The following SHF variants were observed in gnomAD, a reference collection of about 807,000 sequenced individuals.
SHF encodes the protein SH2 domain-containing adapter protein F.
In SHF, 30 loss-of-function variants were observed where a neutral mutation model predicts 42.4. The observed-to-expected ratio is 0.71, with a 90% CI of 0.53 to 0.96. The LOEUF is 0.96. Among genes scored for constraint, SHF ranks in the 40% least tolerant of loss-of-function variants. The probability of loss-of-function intolerance (pLI) is 0.00; values close to 1 mark genes in which losing one functional copy is unlikely to be tolerated. For synonymous variants in SHF, 264 were observed against 269.9 expected (o/e 0.98, Z 0.21); for missense variants, 598 against 634.0 (o/e 0.94, Z 0.61).
intron 1 of SHF, among the ~76,000 whole-genome samples, chr15:45,185,098 A>G (rs925464413): frequency 2.0e-5 from 3 of 152,106 alleles, no homozygotes; most frequent in Non-Finnish European, 4.4e-5. Flanking sequence ...CATTTCATCA[A>G]ATCTCATGAC....
chr15:45,188,834 A>G (rs1898609443), upstream of SHF, among the ~76,000 whole-genome samples: 1 of 152,246 alleles, frequency 6.6e-6, no homozygotes, highest in Non-Finnish European at 1.5e-5. Flanking sequence ...AGTGTTGTCT[A>G]TCACAAACTC....
chr15:45,192,390 C>T (rs1567041930), upstream of SHF, among the ~76,000 whole-genome samples: 1 of 93,870 alleles, frequency 1.1e-5, no homozygotes, highest in Non-Finnish European at 1.8e-5. Context: ...TTTTTTGAGA[C>T]AGAGTCTCGC....
intron 6 of SHF, chr15:45,171,233 G>C (rs1025193325): frequency 6.5e-6 from 1 of 153,834 alleles, no homozygotes; most frequent in Non-Finnish European, 1.4e-5. Flanking sequence ...GGGAGTCTGG[G>C]AGGCTGATCT....
intron 2 of SHF, among the ~76,000 whole-genome samples, chr15:45,197,249 TAA>T (rs144408027): frequency 0.023 from 2,796 of 122,516 alleles, 49 homozygotes; most frequent in Admixed American, 0.04. Flanking sequence ...ACCTTGTCTC[TAA>T]AAAAAAAAAA....
upstream of SHF, among the ~76,000 whole-genome samples, chr15:45,189,388 CCTTTTT>C (rs1279042155): frequency 9.2e-6 from 1 of 108,446 alleles, no homozygotes; most frequent in African/African-American, 3.4e-5. Context: ...TTCATGTCTG[CCTTTTT>C]TTTTTTTTTT....
chr15:45,182,322 CT>C (rs1279762384), intron 1 of SHF, among the ~76,000 whole-genome samples: 1 of 152,216 alleles, frequency 6.6e-6, no homozygotes. Flanking sequence ...CTGGAAACCT[CT>C]TTTTATGTGT....
chr15:45,175,808 CTTTTTCTTTTCTT>C (rs1311889565), intron 2 of SHF, among the ~76,000 whole-genome samples: 1 of 134,498 alleles, frequency 7.4e-6, no homozygotes, highest in Non-Finnish European at 1.6e-5. Context: ...TTCCTTTTTT[CTTTTTCTTTTCTT>C]TTTTTTTTTT....
chr15:45,184,916 A>T (rs1160439714), intron 1 of SHF, among the ~76,000 whole-genome samples: 1 of 152,102 alleles, frequency 6.6e-6, no homozygotes, highest in Non-Finnish European at 1.5e-5. Flanking sequence ...CCTGCCAACT[A>T]CGGCAGTGGG....
At chr15:45,181,078 A>T (rs1420650500) in intron 1 of SHF, 1 of 151,918 alleles carries the variant, frequency 6.6e-6, no homozygotes, top group African/African-American at 2.4e-5. Context: ...CCTCTCCCTC[A>T]CCAAGCCTGC....
At chr15:45,198,554 C>CA (rs1309750776) in intron 2 of SHF, 1 of 532,156 alleles carries the variant, frequency 1.9e-6, no homozygotes, top group Non-Finnish European at 3.2e-6. Context: ...TAAAATGTTA[C>CA]AAAAAAGGGG....
At chr15:45,182,972 T>A (rs1253099879) in intron 1 of SHF, among the ~76,000 whole-genome samples, 2 of 152,346 alleles carry the variant, frequency 1.3e-5, no homozygotes, top group African/African-American at 4.8e-5. Context: ...ATGCAGTAGA[T>A]CCTAGCAACC....
At chr15:45,195,073 C>T (rs1898825943) in intron 2 of SHF, among the ~76,000 whole-genome samples, 1 of 151,946 alleles carries the variant, frequency 6.6e-6, no homozygotes, top group South Asian at 2.1e-4. Flanking sequence ...TTCAAGTGAT[C>T]CTCCTGCCTC....
chr15:45,179,580 C>T (rs993768491), intron 1 of SHF, among the ~76,000 whole-genome samples: 3 of 152,228 alleles, frequency 2.0e-5, no homozygotes, highest in Non-Finnish European at 4.4e-5. Flanking sequence ...GTGCTCAGGG[C>T]GGGGCGCAGC....
In SHF at chr15:45,172,285, G is replaced by C; in HGVS notation, c.1022C>G (p.Ser341Ter). 1 of 1,611,110 alleles carries C rather than the reference G, an allele frequency of 6.2e-7. No homozygotes were observed. The highest frequency in any genetic ancestry group is 8.5e-7 in the Non-Finnish European group (1 of 1,178,332). The change falls in exon 5 of 7, where the codon TCA becomes TGA. Residue 341 changes from serine (S) to a stop codon, truncating the protein, a stop_gained. Coordinates refer to ENST00000690270, the MANE Select transcript of SHF (RefSeq NM_001394037.1). LOFTEE classifies it high-confidence loss of function. Reference protein sequence around the residue: ...QFEGPEKSCLSPGREEKGRLP... With the variant: ...QFEGPEKSCL ...CCGCCCCTTCTCCTCCCGGCCAGGT[G>C]ACAGGCAGCTCTTCTCCGGTCCTTC...
At chr15:45,192,792 T>C (rs1366198318), upstream of SHF, among the ~76,000 whole-genome samples, 1 of 152,236 alleles carries the variant, frequency 6.6e-6, no homozygotes, top group Non-Finnish European at 1.5e-5. Context: ...ACATTTATCT[T>C]TTTGAAATGT....
In SHF at chr15:45,187,935, G is replaced by A. The variant is rs1188383996; in HGVS notation, c.17C>T (p.Ala6Val). 1 of 1,176,438 alleles carries A rather than the reference G, an allele frequency of 8.5e-7. No homozygotes were observed. The highest frequency in any genetic ancestry group is 1.0e-6 in the Non-Finnish European group (1 of 952,580). The allele number at this position is 1,176,438 out of a possible 1,614,324, so 72.9% of individuals were successfully genotyped here. A position where few individuals can be genotyped will look rare whatever the true frequency, so the allele number is the denominator to read the frequency against. Residue 6 changes from alanine to valine, a missense_variant, in exon 1 of 7, where the codon GCT (alanine) becomes GTT (valine). Coordinates refer to ENST00000690270, the MANE Select transcript of SHF (RefSeq NM_001394037.1). ...CCCCGGGCGGGAGCCAGCCGGAGGA[G>A]CTCCGCTCAGTAACATGGGGCCAGC... is the stretch of plus-strand genomic sequence containing the variant. MLLSG[A>V]PPAGSRPGPR...
At chr15:45,187,974 G>C (rs1465549852), upstream of SHF, 1 of 1,161,826 alleles carries the variant, frequency 8.6e-7, no homozygotes, top group Non-Finnish European at 1.1e-6. Context: ...ACTGAGCGAG[G>C]GGAGCGCAGC....
intron 4 of SHF, among the ~76,000 whole-genome samples, chr15:45,172,602 T>C (rs570686920): frequency 6.6e-6 from 1 of 152,274 alleles, no homozygotes. Flanking sequence ...CCATGCACGC[T>C]TCTCCCTCCA....
At chr15:45,199,983 AAAAAAAAAAAAG>A (rs1436241882) in intron 1 of SHF, 1 of 73,138 alleles carries the variant, frequency 1.4e-5, no homozygotes, top group African/African-American at 4.5e-5. Flanking sequence ...AAAAAAAAAA[AAAAAAAAAAAAG>A]ATTTTTCCTT....
Sources: gnomAD v4.1 joint callset for allele counts (sites outside exome capture counted in the v4.1 genomes callset) on GRCh38, gnomAD v4.1.1 for gene constraint, MANE v1.5 for transcripts, NCBI Gene and HGNC (gene_info 2026-07-23, HGNC 2026-07-21) for gene names.